The following MEOX2 variants were observed in gnomAD, a reference collection of about 807,000 sequenced individuals.
MEOX2 encodes mesenchyme homeobox 2.
MEOX2 carries 11 observed loss-of-function variants against 27.0 expected under a neutral mutation model. That is an observed-to-expected ratio of 0.41 (90% CI 0.26 to 0.68). MEOX2 has a LOEUF of 0.68. Among genes scored for constraint, MEOX2 ranks in the 30% least tolerant of loss-of-function variants. The pLI, the probability that MEOX2 is intolerant of heterozygous loss-of-function variation, is 0.33. For synonymous variants in MEOX2, 189 were observed against 155.4 expected (o/e 1.22, Z -1.61); for missense variants, 436 against 385.4 (o/e 1.13, Z -1.10).
At chr7:15,648,391 G>A (rs1407784624) in intron 1 of MEOX2, among the ~76,000 whole-genome samples, 1 of 152,044 alleles carries the variant, frequency 6.6e-6, no homozygotes, top group Non-Finnish European at 1.5e-5. Flanking sequence ...CGGTGCGGAT[G>A]AAGGAATAAA....
chr7:15,683,291 G>T (rs978720818), intron 1 of MEOX2, among the ~76,000 whole-genome samples: 2 of 151,858 alleles, frequency 1.3e-5, no homozygotes, highest in African/African-American at 4.8e-5. Flanking sequence ...CTTTACCCTG[G>T]ATTTATGTAC....
intron 2 of MEOX2, among the ~76,000 whole-genome samples, 178 bp downstream of exon 2, chr7:15,626,568 T>C (rs1781310971): frequency 6.6e-6 from 1 of 151,946 alleles, no homozygotes; most frequent in South Asian, 2.1e-4. Flanking sequence ...TTCTTTCAAA[T>C]ATCACTATAT....
intron 1 of MEOX2, among the ~76,000 whole-genome samples, chr7:15,673,260 G>A (rs1208504648): frequency 6.6e-6 from 1 of 152,326 alleles, no homozygotes; most frequent in South Asian, 2.1e-4. Context: ...AAGGGGAAAT[G>A]TAAGTGTAGT....
intron 1 of MEOX2, among the ~76,000 whole-genome samples, chr7:15,664,161 G>A (rs2115385861): frequency 6.6e-6 from 1 of 152,262 alleles, no homozygotes; most frequent in East Asian, 1.9e-4. Context: ...GATTTACTCT[G>A]CTATTGAGAC....
chr7:15,676,269 T>C (rs1258914850), intron 1 of MEOX2: 1 of 152,224 alleles, frequency 6.6e-6, no homozygotes, highest in African/African-American at 2.4e-5. Context: ...AAAAAGAAAT[T>C]ATATCACCAA....
intron 2 of MEOX2, among the ~76,000 whole-genome samples, chr7:15,616,149 A>C (rs1487727284): frequency 6.6e-6 from 1 of 151,800 alleles, no homozygotes; most frequent in Non-Finnish European, 1.5e-5. Context: ...AACATATAAG[A>C]ATATGCATTT....
At chr7:15,669,237 T>C (rs985641936) in intron 1 of MEOX2, among the ~76,000 whole-genome samples, 4 of 152,244 alleles carry the variant, frequency 2.6e-5, no homozygotes, top group Non-Finnish European at 5.9e-5. Context: ...TTACTACAAA[T>C]TGTATTTGGT....
At chr7:15,666,033 C>G (rs1053499652) in intron 1 of MEOX2, among the ~76,000 whole-genome samples, 1 of 152,064 alleles carries the variant, frequency 6.6e-6, no homozygotes, top group South Asian at 2.1e-4. Context: ...TTCTAACATT[C>G]TGAGAATGTG....
At chr7:15,657,459 G>T (rs1228687597) in intron 1 of MEOX2, among the ~76,000 whole-genome samples, 2 of 151,624 alleles carry the variant, frequency 1.3e-5, no homozygotes, top group African/African-American at 4.8e-5. Context: ...CCTTTGTACT[G>T]TCCATCCTGC....
intron 1 of MEOX2, among the ~76,000 whole-genome samples, chr7:15,672,246 A>T (rs906469054): frequency 3.3e-5 from 5 of 152,284 alleles, no homozygotes; most frequent in Non-Finnish European, 2.9e-5. Flanking sequence ...TTGTCCAATG[A>T]TTCCATGTTT....
chr7:15,620,964 A>G (rs1198535379), intron 2 of MEOX2, among the ~76,000 whole-genome samples: 2 of 152,186 alleles, frequency 1.3e-5, no homozygotes, highest in Non-Finnish European at 2.9e-5. Context: ...CCATTTTACC[A>G]CTTCTTTTAT....
At chr7:15,665,203 A>C (rs1337160873) in intron 1 of MEOX2, among the ~76,000 whole-genome samples, 1 of 152,190 alleles carries the variant, frequency 6.6e-6, no homozygotes, top group African/African-American at 2.4e-5. Context: ...AAATCTGTGA[A>C]TCTATATGAT....
At chr7:15,674,425 C>A (rs1782158446) in intron 1 of MEOX2, among the ~76,000 whole-genome samples, 1 of 151,958 alleles carries the variant, frequency 6.6e-6, no homozygotes, top group African/African-American at 2.4e-5. Flanking sequence ...GGATTTGAAC[C>A]ATGCTCTGGT....
chr7:15,617,905 G>A (rs1368688754), intron 2 of MEOX2, among the ~76,000 whole-genome samples: 1 of 151,978 alleles, frequency 6.6e-6, no homozygotes, highest in Non-Finnish European at 1.5e-5. Flanking sequence ...AAAACAAAAT[G>A]AATACACATT....
chr7:15,661,890 A>G (rs534967547), intron 1 of MEOX2, among the ~76,000 whole-genome samples: 34 of 152,326 alleles, frequency 2.2e-4, no homozygotes, highest in African/African-American at 8.2e-4. Flanking sequence ...TACTACCTCC[A>G]TAATTGCACA....
chr7:15,613,988 T>A (rs967567034), intron 2 of MEOX2, among the ~76,000 whole-genome samples: 1 of 151,934 alleles, frequency 6.6e-6, no homozygotes, highest in Non-Finnish European at 1.5e-5. Flanking sequence ...TCTTTTTCCT[T>A]TTCTTAGAGT....
intron 1 of MEOX2, among the ~76,000 whole-genome samples, chr7:15,652,775 G>A (rs56067439): frequency 0.024 from 3,711 of 151,952 alleles, 149 homozygotes; most frequent in African/African-American, 0.084. Context: ...ATTCTTTAAA[G>A]ATTCATCCAA....
At chr7:15,685,756 G>T in intron 1 of MEOX2, 130 bp downstream of exon 1, 1 of 1,325,216 alleles carries the variant, frequency 7.5e-7, no homozygotes, top group Non-Finnish European at 1.0e-6. Context: ...TTTGGCCGCA[G>T]GAAGCCACAG....
intron 1 of MEOX2, among the ~76,000 whole-genome samples, chr7:15,652,012 G>A (rs940376507): frequency 6.6e-6 from 1 of 151,906 alleles, no homozygotes; most frequent in Non-Finnish European, 1.5e-5. Flanking sequence ...CTTCTTCCCA[G>A]TCTTAGACTC....
Sources: gnomAD v4.1 joint callset for allele counts (sites outside exome capture counted in the v4.1 genomes callset) on GRCh38, gnomAD v4.1.1 for gene constraint, MANE v1.5 for transcripts, NCBI Gene and HGNC (gene_info 2026-07-23, HGNC 2026-07-21) for gene names.